The following PARP12 variants were observed in gnomAD, a reference collection of about 807,000 sequenced individuals.
PARP12 encodes protein mono-ADP-ribosyltransferase PARP12.
In PARP12, 59 loss-of-function variants were observed where a neutral mutation model predicts 72.4. The observed-to-expected ratio is 0.81, with a 90% CI of 0.66 to 1.01. PARP12 has a LOEUF of 1.01. Among genes scored for constraint, PARP12 ranks in the 50% least tolerant of loss-of-function variants. PARP12 has a pLI of 0.00. For synonymous variants in PARP12, 403 were observed against 371.4 expected (o/e 1.09, Z -0.98); for missense variants, 851 against 914.0 (o/e 0.93, Z 0.89).
intron 5 of PARP12, among the ~76,000 whole-genome samples, chr7:140,043,398 G>T (rs1273322404): frequency 6.6e-6 from 1 of 152,038 alleles, no homozygotes; most frequent in African/African-American, 2.4e-5. Context: ...GTATGAGTAA[G>T]AATCAAGAGA....
chr7:140,025,013 C>T (rs1198865928), intron 11 of PARP12, 128 bp from the exon 12 acceptor site: 1 of 789,922 alleles, frequency 1.3e-6, no homozygotes, highest in Non-Finnish European at 2.0e-6. Context: ...ATCTCCCTCC[C>T]TCCCTCTGTG....
intron 1 of PARP12, 32 bp from the exon 2 acceptor site, chr7:140,058,066 G>T (rs757181879): frequency 5.6e-6 from 9 of 1,612,476 alleles, no homozygotes; most frequent in African/African-American, 1.3e-5. Flanking sequence ...GTTATATGTC[G>T]AATTGAGTCT....
chr7:140,026,490 A>G (rs1815742750), intron 10 of PARP12, 142 bp from the exon 11 acceptor site: 6 of 982,706 alleles, frequency 6.1e-6, no homozygotes, highest in Admixed American at 4.9e-5. Context: ...TACCCTGACT[A>G]GGCCTGTAAG....
intron 1 of PARP12, among the ~76,000 whole-genome samples, chr7:140,058,773 C>T (rs1281376137): frequency 2.0e-5 from 3 of 152,146 alleles, no homozygotes; most frequent in Non-Finnish European, 4.4e-5. Flanking sequence ...AGAAACACTT[C>T]CTGACAGTAT....
chr7:140,055,198 T>G (rs1408086349), intron 3 of PARP12, among the ~76,000 whole-genome samples: 1 of 152,232 alleles, frequency 6.6e-6, no homozygotes, highest in Non-Finnish European at 1.5e-5. Flanking sequence ...TGCCTAAGGT[T>G]GTGATGACCC....
intron 5 of PARP12, among the ~76,000 whole-genome samples, chr7:140,045,253 G>A (rs1357172512): frequency 1.3e-5 from 2 of 152,056 alleles, no homozygotes; most frequent in African/African-American, 2.4e-5. Context: ...GGCTAGTTGT[G>A]TATTCCCAGC....
At chr7:140,053,166 G>A (rs940423252) in intron 4 of PARP12, among the ~76,000 whole-genome samples, 13 of 152,122 alleles carry the variant, frequency 8.5e-5, no homozygotes, top group African/African-American at 2.9e-4. Flanking sequence ...AGTTGTATTT[G>A]TAAAAGCCAA....
chr7:140,056,156 A>G (rs1013670088), intron 3 of PARP12, among the ~76,000 whole-genome samples: 27 of 152,248 alleles, frequency 1.8e-4, no homozygotes, highest in African/African-American at 6.3e-4. Flanking sequence ...CACATTATTC[A>G]TCTGCCCCAC....
chr7:140,035,415 T>C (rs1220686020), intron 7 of PARP12, among the ~76,000 whole-genome samples: 2 of 152,240 alleles, frequency 1.3e-5, no homozygotes, highest in African/African-American at 4.8e-5. Flanking sequence ...ATACGTGGAC[T>C]GGCTAAATGT....
chr7:140,058,108 C>A, intron 1 of PARP12, 74 bp from the exon 2 acceptor site: 1 of 1,521,284 alleles, frequency 6.6e-7, no homozygotes, highest in Non-Finnish European at 9.1e-7. Context: ...GTCCTAACTC[C>A]CACGACCTCA....
chr7:140,055,488 C>G lies in PARP12; in HGVS notation c.761-725G>C, dbSNP rs535069169. Among the ~76,000 whole-genome samples the G allele has an allele frequency of 8.1e-4, 124 of 152,318 alleles. 2 individuals carry two copies. The South Asian group carries it at 0.018, about 23-fold the overall frequency. On this transcript the variant is annotated intron_variant, in intron 3 of 11. Coordinates refer to ENST00000263549, the MANE Select transcript of PARP12 (RefSeq NM_022750.4). ...CTCACCCAGCTAACCCCAATGAGCA[C>G]ATAAAATTAATTTGCAATCCCTATT...
chr7:140,054,563 G>A, intron 4 of PARP12, 99 bp downstream of exon 4: 3 of 990,620 alleles, frequency 3.0e-6, no homozygotes, highest in South Asian at 1.4e-5. Flanking sequence ...CTCCGGATGG[G>A]GTAGAGGTTT....
At chr7:140,047,044 A>G (rs751894265) in intron 4 of PARP12, 37 bp from the exon 5 acceptor site, 2 of 1,585,214 alleles carry the variant, frequency 1.3e-6, no homozygotes, top group East Asian at 2.3e-5. Context: ...ATAGCTGGGC[A>G]ATACACAGCA....
intron 6 of PARP12, among the ~76,000 whole-genome samples, chr7:140,039,335 C>T (rs896326967): frequency 3.3e-5 from 5 of 152,214 alleles, no homozygotes; most frequent in South Asian, 4.1e-4. Context: ...CAGATGCAGG[C>T]GTCCTGCCCC....
In PARP12 at chr7:140,062,825, C is replaced by T. The variant is rs2116698037; in HGVS notation, c.23G>A (p.Gly8Asp). 9.3e-6 allele frequency: 13 copies of T among 1,402,168 alleles called. No individual in the cohort carries two copies. Among genetic ancestry groups the T allele is most frequent in the Non-Finnish European group, 1.1e-5 (12 of 1,075,726 alleles). 86.9% of individuals were successfully genotyped at this position (1,402,168 alleles called of 1,614,324 possible). A position where few individuals can be genotyped will look rare whatever the true frequency, so the allele number is the denominator to read the frequency against. MAQAGVV[G>D]EVTQVLCAAG... is the part of the protein sequence containing the mutation. ...CGCGCACAGCACCTGGGTGACCTCA[C>T]CGACGACGCCGGCCTGGGCCATGGC... The change falls in exon 1 of 12, where the codon GGT becomes GAT. Residue 8 changes from glycine to aspartate, a missense_variant. Coordinates refer to ENST00000263549, the MANE Select transcript of PARP12 (RefSeq NM_022750.4).
intron 4 of PARP12, among the ~76,000 whole-genome samples, chr7:140,050,754 T>C (rs1412823483): frequency 1.3e-5 from 2 of 152,070 alleles, no homozygotes; most frequent in East Asian, 3.9e-4. Context: ...AGAGAAAACA[T>C]TCTGTAGGCT....
chr7:140,054,473 T>C (rs10246271), intron 4 of PARP12, among the ~76,000 whole-genome samples, 189 bp downstream of exon 4: 3,527 of 152,294 alleles, frequency 0.023, 131 homozygotes, highest in African/African-American at 0.079. Context: ...TTCTGAAAAC[T>C]CAAAGAATTG....
rs1315236724 is a variant in PARP12, at chr7:140,024,381, A to C, written c.*179T>G. The C allele has an allele frequency of 6.7e-5, 51 of 761,966 alleles. No homozygotes were observed. The highest frequency in any genetic ancestry group is 5.6e-4 in the Admixed American group (25 of 44,542). 47.2% of individuals were successfully genotyped at this position (761,966 alleles called of 1,614,324 possible). On this transcript the variant is annotated 3_prime_UTR_variant, in exon 12 of 12. Coordinates refer to ENST00000263549, the MANE Select transcript of PARP12 (RefSeq NM_022750.4). ...TCACTTCTGGTTAATCCACTAGTGA[A>C]CCCAAAAGTGACTTAAAAGTAAAAA...
At chr7:140,056,767 T>C in intron 3 of PARP12, 89 bp downstream of exon 3, 1 of 1,357,558 alleles carries the variant, frequency 7.4e-7, no homozygotes, top group East Asian at 2.3e-5. Context: ...AGTCACACAT[T>C]CCATGTAATG....
Sources: gnomAD v4.1 joint callset for allele counts (sites outside exome capture counted in the v4.1 genomes callset) on GRCh38, gnomAD v4.1.1 for gene constraint, MANE v1.5 for transcripts, NCBI Gene and HGNC (gene_info 2026-07-23, HGNC 2026-07-21) for gene names.